Variants in GRB2 observed in about 807,000 individuals in gnomAD.
GRB2 encodes the protein growth factor receptor-bound protein 2.
In GRB2, 2 loss-of-function variants were observed where a neutral mutation model predicts 27.4. The ratio of observed to expected loss-of-function variants is 0.07; its 90% CI spans 0.03 to 0.23. The LOEUF is 0.23. Among genes scored for constraint, GRB2 ranks in the 10% least tolerant of loss-of-function variants. GRB2 has a pLI of 1.00. For missense variants in GRB2, 102 were observed against 282.4 expected (o/e 0.36, Z 4.58); for synonymous variants, 94 against 99.6 (o/e 0.94, Z 0.33).
At chr17:75,341,000 T>A (rs2078617015) in intron 2 of GRB2, among the ~76,000 whole-genome samples, 1 of 152,098 alleles carries the variant, frequency 6.6e-6, no homozygotes, top group South Asian at 2.1e-4. Flanking sequence ...CAGTCTCCAT[T>A]TGGAATGACC....
chr17:75,345,506 A>G (rs1388080121), intron 2 of GRB2, among the ~76,000 whole-genome samples: 1 of 152,236 alleles, frequency 6.6e-6, no homozygotes, highest in African/African-American at 2.4e-5. Flanking sequence ...CAACGTGTGC[A>G]TAAGGATACA....
chr17:75,330,710 A>AC lies in GRB2; in HGVS notation c.176+1989_176+1990insG, dbSNP rs1035535673. Among the ~76,000 whole-genome samples, 11 of 151,626 alleles carry AC rather than the reference A, an allele frequency of 7.3e-5. No individual in the cohort carries two copies. In the East Asian group the frequency reaches 1.5e-3, roughly 21 times the overall value. Reference sequence around the variant, plus strand: ...AAGAACAACAACAAACAAAAAACAAAAAAAAAAAAGGTGGGCTTATACAAC... The same window carrying AC: ...AAGAACAACAACAAACAAAAAACAAACAAAAAAAAAGGTGGGCTTATACAAC... On this transcript the variant is annotated intron_variant, in intron 3 of 5. Coordinates refer to ENST00000316804, the MANE Select transcript of GRB2 (RefSeq NM_002086.5).
chr17:75,329,554 A>C (rs1416538736), intron 3 of GRB2, among the ~76,000 whole-genome samples: 1 of 152,188 alleles, frequency 6.6e-6, no homozygotes, highest in Non-Finnish European at 1.5e-5. Flanking sequence ...AAAACCAAAA[A>C]CCAAAAAAAC....
At chr17:75,400,141 G>T (rs1398375472) in intron 1 of GRB2, among the ~76,000 whole-genome samples, 1 of 151,982 alleles carries the variant, frequency 6.6e-6, no homozygotes, top group Non-Finnish European at 1.5e-5. Flanking sequence ...GGGACTACAG[G>T]TGTGTGCCAC....
intron 4 of GRB2, among the ~76,000 whole-genome samples, chr17:75,325,040 A>G (rs1478768747): frequency 6.6e-6 from 1 of 152,050 alleles, no homozygotes; most frequent in East Asian, 1.9e-4. Context: ...ATGCCATTGG[A>G]CTCCAGCCTG....
At chr17:75,403,148 C>CAA (rs11422812) in intron 1 of GRB2, among the ~76,000 whole-genome samples, 23 of 136,786 alleles carry the variant, frequency 1.7e-4, no homozygotes, top group African/African-American at 2.7e-4. Context: ...CAACTTTGAC[C>CAA]AAAAAAAATA....
chr17:75,327,700 T>C (rs562378254), intron 3 of GRB2, among the ~76,000 whole-genome samples: 9 of 152,226 alleles, frequency 5.9e-5, no homozygotes, highest in South Asian at 2.1e-4. Context: ...AGCAACCATA[T>C]TGGAAGATGT....
chr17:75,356,021 T>A (rs1172633112), intron 2 of GRB2, among the ~76,000 whole-genome samples: 1 of 151,690 alleles, frequency 6.6e-6, no homozygotes, highest in Admixed American at 6.6e-5. Flanking sequence ...TTTAGTAGAA[T>A]CAGGGTGTCA....
intron 2 of GRB2, among the ~76,000 whole-genome samples, chr17:75,381,389 T>A (rs2078926532): frequency 6.6e-6 from 1 of 152,124 alleles, no homozygotes; most frequent in African/African-American, 2.4e-5. Context: ...TCTATTCTTT[T>A]TCCCCAGCAT....
chr17:75,328,368 G>A (rs912924917), intron 3 of GRB2, among the ~76,000 whole-genome samples: 8 of 151,316 alleles, frequency 5.3e-5, no homozygotes, highest in African/African-American at 1.2e-4. Context: ...GGCTGGGTGC[G>A]GTGGCTCAAT....
intron 2 of GRB2, among the ~76,000 whole-genome samples, chr17:75,337,898 CT>C (rs2078590330): frequency 7.5e-6 from 1 of 133,568 alleles, no homozygotes; most frequent in African/African-American, 3.1e-5. Flanking sequence ...ACTACTACTA[CT>C]ACTATTATTA....
intron 2 of GRB2, among the ~76,000 whole-genome samples, chr17:75,350,235 G>GAAAAAAAAAAAAAAAAAAAAAAAA (rs35602764): frequency 7.6e-6 from 1 of 130,966 alleles, no homozygotes; most frequent in Non-Finnish European, 1.6e-5. Context: ...TCTCTGAGGG[G>GAAAAAAAAAAAAAAAAAAAAAAAA]AAAAAAAAAA....
At chr17:75,331,840 A>T (rs1168384477) in intron 3 of GRB2, among the ~76,000 whole-genome samples, 1 of 152,196 alleles carries the variant, frequency 6.6e-6, no homozygotes, top group Non-Finnish European at 1.5e-5. Context: ...AAGGAAACAG[A>T]AGTACACAAA....
chr17:75,348,357 C>A (rs1238216312), intron 2 of GRB2, among the ~76,000 whole-genome samples: 1 of 152,054 alleles, frequency 6.6e-6, no homozygotes, highest in Non-Finnish European at 1.5e-5. Context: ...ATTCTGTTTA[C>A]TATTAAAAGT....
rs1428750657 is a variant in GRB2 at position 75,318,085 on chromosome 17, C to A, written c.*2283G>T. On this transcript the variant is annotated 3_prime_UTR_variant, in exon 6 of 6. Coordinates refer to ENST00000316804, the MANE Select transcript of GRB2 (RefSeq NM_002086.5). ...AAAAAAAGATACCAAGTGAAGAATT[C>A]ATTGTGTATTTATTATTCACAGTTA... The A allele has an allele frequency of 1.3e-5, 2 of 152,592 alleles. No homozygotes were observed. Among genetic ancestry groups the A allele is most frequent in the African/African-American group, 4.8e-5 (2 of 41,438 alleles). 9.5% of individuals were successfully genotyped at this position (152,592 alleles called of 1,614,324 possible).
rs1278810830 is a variant in GRB2, at chr17:75,340,607, C to T, written c.79-7810G>A. 4.6e-5 allele frequency among the ~76,000 whole-genome samples: 7 copies of T among 152,292 alleles called. No individual in the cohort carries two copies. The South Asian group carries it at 1.2e-3, about 27-fold the overall frequency. On this transcript the variant is annotated intron_variant, in intron 2 of 5. Coordinates refer to ENST00000316804, the MANE Select transcript of GRB2 (RefSeq NM_002086.5). ...TAGGGTAACAGTAATGGGAGAGCCA[C>T]TCAAAGTCAGTTCTCTTCAGGTGCC...
chr17:75,368,360 C>T (rs955399163), intron 2 of GRB2, among the ~76,000 whole-genome samples: 4 of 150,914 alleles, frequency 2.7e-5, no homozygotes, highest in South Asian at 2.1e-4. Flanking sequence ...GGATTACAGG[C>T]GCCCCCCACC....
At chr17:75,358,507 A>G (rs1224261873) in intron 2 of GRB2, among the ~76,000 whole-genome samples, 1 of 151,968 alleles carries the variant, frequency 6.6e-6, no homozygotes, top group Non-Finnish European at 1.5e-5. Context: ...CTGTATATTC[A>G]TGGCATTATC....
At chr17:75,366,191 G>A (rs1264794401) in intron 2 of GRB2, among the ~76,000 whole-genome samples, 2 of 152,044 alleles carry the variant, frequency 1.3e-5, no homozygotes, top group Admixed American at 6.6e-5. Flanking sequence ...TGGAGATGCT[G>A]AGCTTCAGCC....
Sources: gnomAD v4.1 joint callset for allele counts (sites outside exome capture counted in the v4.1 genomes callset) on GRCh38, gnomAD v4.1.1 for gene constraint, MANE v1.5 for transcripts, NCBI Gene and HGNC (gene_info 2026-07-23, HGNC 2026-07-21) for gene names.